Variants in DENND2B observed in about 807,000 individuals in gnomAD.
DENND2B encodes the protein DENN domain containing 2B, also known as DENN domain-containing protein 2B.
DENND2B carries 32 observed loss-of-function variants against 116.0 expected under a neutral mutation model. That is an observed-to-expected ratio of 0.28 (90% CI 0.21 to 0.37). The LOEUF is 0.37. DENND2B is among the 10% of genes least tolerant of loss of function. The pLI is 1.00. For missense variants in DENND2B, 1,276 were observed against 1,477.7 expected (o/e 0.86, Z 2.24); for synonymous variants, 588 against 583.9 (o/e 1.01, Z -0.10).
Position 8,707,365 on chromosome 11 carries a change from T to G in DENND2B, c.2431-140A>C, listed in dbSNP as rs2042784005. 1.8e-6 allele frequency: 2 copies of G among 1,116,148 alleles called. No individual in the cohort carries two copies. The highest frequency in any genetic ancestry group is 2.5e-6 in the Non-Finnish European group (2 of 804,688). The allele number at this position is 1,116,148 out of a possible 1,614,324, so 69.1% of individuals were successfully genotyped here. Reference sequence around the variant, plus strand: ...ACGGGAAGGTGGTCTTGCCATGATCTGCACACTCTACCCTTCCCGTTTTCC... The same window carrying G: ...ACGGGAAGGTGGTCTTGCCATGATCGGCACACTCTACCCTTCCCGTTTTCC... On this transcript the variant is annotated intron_variant, in intron 12 of 19. Coordinates refer to ENST00000313726, the MANE Select transcript of DENND2B (RefSeq NM_213618.2). The surrounding 1 kb of genome is among the most constrained non-coding windows in gnomAD (Gnocchi z 4.8).
upstream of DENND2B, among the ~76,000 whole-genome samples, chr11:8,814,216 G>A (rs1286798021): frequency 2.0e-5 from 3 of 147,210 alleles, no homozygotes; most frequent in Non-Finnish European, 4.5e-5. Flanking sequence ...CCTCCTAATT[G>A]CCCCAGCTTC....
chr11:8,895,244 T>A (rs2064085551), intron 1 of DENND2B, among the ~76,000 whole-genome samples: 1 of 149,988 alleles, frequency 6.7e-6, no homozygotes, highest in Admixed American at 6.6e-5. Context: ...CACCAGGGCC[T>A]GTTGTGGGGT....
chr11:8,768,767 C>T (rs2056350435), intron 1 of DENND2B: 1 of 152,580 alleles, frequency 6.6e-6, no homozygotes, highest in Non-Finnish European at 1.5e-5. Context: ...GCTCACCAAG[C>T]ACACTAAAGC....
intron 19 of DENND2B, 61 bp from the exon 20 acceptor site, chr11:8,694,191 TCTC>T (rs756519280): frequency 1.7e-4 from 274 of 1,590,202 alleles, no homozygotes; most frequent in Non-Finnish European, 2.2e-4. Context: ...CTCCACTCCC[TCTC>T]CTCCTTGTAG....
intron 1 of DENND2B, among the ~76,000 whole-genome samples, chr11:8,759,012 G>T (rs2054107291): frequency 6.6e-6 from 1 of 152,168 alleles, no homozygotes; most frequent in Non-Finnish European, 1.5e-5. Flanking sequence ...CCGGAAGGCT[G>T]ACAGCTTTTG....
At chr11:8,858,740 T>G (rs2063284381) in intron 2 of DENND2B, among the ~76,000 whole-genome samples, 1 of 152,254 alleles carries the variant, frequency 6.6e-6, no homozygotes, top group Non-Finnish European at 1.5e-5. Context: ...ATGGCTATTC[T>G]GAACCAGTCG....
chr11:8,728,526 G>A (rs2047522788), intron 3 of DENND2B, among the ~76,000 whole-genome samples: 1 of 152,156 alleles, frequency 6.6e-6, no homozygotes, highest in South Asian at 2.1e-4. Context: ...TGGTATACGT[G>A]TGTATATATT....
intron 1 of DENND2B, among the ~76,000 whole-genome samples, chr11:8,780,426 G>A (rs982231271): frequency 6.6e-5 from 10 of 152,328 alleles, no homozygotes; most frequent in African/African-American, 2.2e-4. Flanking sequence ...ACACTTTACA[G>A]AGAGGGTGAC....
chr11:8,802,298 G>GAAA (rs2060421918), intron 1 of DENND2B, among the ~76,000 whole-genome samples: 2 of 75,064 alleles, frequency 2.7e-5, no homozygotes, highest in African/African-American at 5.4e-5. Flanking sequence ...GACTCTGTCT[G>GAAA]GAAAAAAAAA....
chr11:8,859,987 C>T (rs551091179), intron 2 of DENND2B, among the ~76,000 whole-genome samples: 1 of 152,144 alleles, frequency 6.6e-6, no homozygotes, highest in African/African-American at 2.4e-5. Flanking sequence ...CTTAAAAAAG[C>T]CTAAACAATG....
At chr11:8,787,283 G>A (rs1242333931) in intron 1 of DENND2B, 1 of 152,174 alleles carries the variant, frequency 6.6e-6, no homozygotes, top group Non-Finnish European at 1.5e-5. Context: ...AGATTTATAT[G>A]TAAGTAAGTA....
At chr11:8,832,916 C>T (rs945864871) in intron 4 of DENND2B, among the ~76,000 whole-genome samples, 5 of 152,226 alleles carry the variant, frequency 3.3e-5, no homozygotes, top group African/African-American at 1.2e-4. Context: ...TGAATGTCAG[C>T]AAGGGTCTTA....
intron 4 of DENND2B, among the ~76,000 whole-genome samples, chr11:8,720,746 G>A (rs1456850436): frequency 3.9e-5 from 6 of 152,198 alleles, no homozygotes; most frequent in Admixed American, 1.3e-4. Context: ...GGGACCAGGG[G>A]ATGGAGATGT....
At chr11:8,901,650 A>T (rs1454932352) in intron 1 of DENND2B, among the ~76,000 whole-genome samples, 2 of 152,178 alleles carry the variant, frequency 1.3e-5, no homozygotes, top group Admixed American at 1.3e-4. Flanking sequence ...ATACATTTTG[A>T]TATATCACAT....
At chr11:8,725,505 G>T (rs2046944300) in intron 4 of DENND2B, among the ~76,000 whole-genome samples, 1 of 151,744 alleles carries the variant, frequency 6.6e-6, no homozygotes, top group Admixed American at 6.6e-5. Flanking sequence ...CTCCCTAGTA[G>T]CTGGGATTAC....
chr11:8,851,477 G>A (rs1458286811), intron 3 of DENND2B, among the ~76,000 whole-genome samples: 6 of 152,172 alleles, frequency 3.9e-5, no homozygotes, highest in African/African-American at 7.2e-5. Flanking sequence ...TGCAAATACC[G>A]ATTATCTTCA....
chr11:8,807,614 G>A (rs780754217), intron 1 of DENND2B, among the ~76,000 whole-genome samples: 54 of 152,274 alleles, frequency 3.5e-4, no homozygotes, highest in Non-Finnish European at 6.3e-4. Flanking sequence ...TACAGGAAGC[G>A]GAGTAGAAGG....
chr11:8,771,535 G>GAA lies in DENND2B; in HGVS notation c.-25-20811_-25-20810insTT, dbSNP rs2056865057. 8.2e-5 allele frequency: 5 copies of GAA among 61,124 alleles called. No homozygotes were observed. In the South Asian group the frequency reaches 2.4e-3, roughly 29 times the overall value. 3.8% of individuals were successfully genotyped at this position (61,124 alleles called of 1,614,324 possible). A position where few individuals can be genotyped will look rare whatever the true frequency, so the allele number is the denominator to read the frequency against. On this transcript the variant is annotated intron_variant, in intron 1 of 19. Transcript: ENST00000313726. ...ATATATGTGTATATATATACAGAGAGAGAGAGAGAGAGAGAGAGAGAGAGA... is the reference window on the plus strand; with the variant it reads ...ATATATGTGTATATATATACAGAGAGAAAGAGAGAGAGAGAGAGAGAGAGAGA...
chr11:8,738,754 T>C (rs1219890529), intron 2 of DENND2B, among the ~76,000 whole-genome samples: 1 of 152,206 alleles, frequency 6.6e-6, no homozygotes, highest in Non-Finnish European at 1.5e-5. Flanking sequence ...CAGAATAAAA[T>C]GCAAATTCAC....
Sources: gnomAD v4.1 joint callset for allele counts (sites outside exome capture counted in the v4.1 genomes callset) on GRCh38, gnomAD v4.1.1 for gene constraint, Gnocchi (gnomAD v3.1) non-coding constraint, MANE v1.5 for transcripts, NCBI Gene and HGNC (gene_info 2026-07-23, HGNC 2026-07-21) for gene names.